The following DNAH14 variants were observed in gnomAD, a reference collection of about 807,000 sequenced individuals.
DNAH14 encodes dynein axonemal heavy chain 14.
DNAH14 carries 478 observed loss-of-function variants against 520.9 expected under a neutral mutation model. That is an observed-to-expected ratio of 0.92 (90% CI 0.85 to 0.99). The LOEUF (loss-of-function observed/expected upper bound fraction) is 0.99. Ranked by LOEUF, DNAH14 falls within the 50% of genes least tolerant of loss-of-function variation. The pLI is 0.00. For missense variants in DNAH14, 4,831 were observed against 5,234.5 expected (o/e 0.92, Z 2.38); for synonymous variants, 1,581 against 1,757.2 (o/e 0.90, Z 2.51).
chr1:224,993,022 G>C (rs557107573), intron 8 of DNAH14, among the ~76,000 whole-genome samples: 1 of 152,192 alleles, frequency 6.6e-6, no homozygotes, highest in East Asian at 1.9e-4. Flanking sequence ...ATTTGTGTAT[G>C]TTGAACCATT....
chr1:225,247,900 T>A (rs2092376345), intron 43 of DNAH14, among the ~76,000 whole-genome samples: 1 of 152,044 alleles, frequency 6.6e-6, no homozygotes, highest in Non-Finnish European at 1.5e-5. Context: ...GCGCCTGTAG[T>A]CCCAGCTACT....
At chr1:225,139,756 C>A (rs1180846615) in intron 27 of DNAH14, among the ~76,000 whole-genome samples, 1 of 152,192 alleles carries the variant, frequency 6.6e-6, no homozygotes, top group Non-Finnish European at 1.5e-5. Context: ...GATGTTCTCT[C>A]CTGAGGCTGC....
intron 11 of DNAH14, among the ~76,000 whole-genome samples, chr1:225,025,051 A>G (rs1317015594): frequency 6.6e-6 from 1 of 152,072 alleles, no homozygotes; most frequent in Non-Finnish European, 1.5e-5. Context: ...GGAATAATAT[A>G]TATAGGTCAG....
rs541508057 is a variant in DNAH14, at chr1:225,318,744, G to A, written c.9335+67G>A. 67 of 1,409,426 alleles carry A rather than the reference G, an allele frequency of 4.8e-5. No individual in the cohort carries two copies. The South Asian group carries it at 7.6e-4, about 16-fold the overall frequency. The allele number at this position is 1,409,426 out of a possible 1,614,324, so 87.3% of individuals were successfully genotyped here. A position where few individuals can be genotyped will look rare whatever the true frequency, so the allele number is the denominator to read the frequency against. Reference sequence around the variant, plus strand: ...AAAAACATAAATTCATGTTTACTAAGCCTATATTCCATTTTTAGCCTATAT... The same window carrying A: ...AAAAACATAAATTCATGTTTACTAAACCTATATTCCATTTTTAGCCTATAT... On this transcript the variant is annotated intron_variant, in intron 61 of 85. Transcript: ENST00000682510.
At position 225,331,584 on chromosome 1, in the gene DNAH14, C is replaced by A. The variant is rs1330326030; in HGVS notation, c.9864+7C>A. On this transcript the variant is annotated splice_region_variant and intron_variant, in intron 65 of 85. Coordinates refer to ENST00000682510, the MANE Select transcript of DNAH14 (RefSeq NM_001367479.1). Reference sequence around the variant, plus strand: ...TGTCCTGGAAGATGAGAAGGCATGACTTACTTTGGTCTTATATCTCGTCCA... The same window carrying A: ...TGTCCTGGAAGATGAGAAGGCATGAATTACTTTGGTCTTATATCTCGTCCA... 6.4e-7 allele frequency: 1 copy of A among 1,551,278 alleles called. No individual in the cohort carries two copies. The highest frequency in any genetic ancestry group is 8.7e-7 in the Non-Finnish European group (1 of 1,146,742).
At chr1:224,942,184 T>C (rs1251277531) in intron 1 of DNAH14, among the ~76,000 whole-genome samples, 2 of 152,192 alleles carry the variant, frequency 1.3e-5, no homozygotes, top group Non-Finnish European at 2.9e-5. Flanking sequence ...TTTATTTCAT[T>C]GAGCAGTGGT....
At chr1:225,325,253 G>A (rs2094635222) in intron 64 of DNAH14, among the ~76,000 whole-genome samples, 1 of 151,720 alleles carries the variant, frequency 6.6e-6, no homozygotes, top group Admixed American at 6.6e-5. Flanking sequence ...GGGAGGCTGA[G>A]GCAGGTGGAT....
Position 225,380,341 on chromosome 1 carries a change from C to T in DNAH14, c.12880+19C>T. On this transcript the variant is annotated intron_variant, in intron 80 of 85. Coordinates refer to ENST00000682510, the MANE Select transcript of DNAH14 (RefSeq NM_001367479.1). ...CTCAAAGGTGAGCATGGGACAGGAG[C>T]TTTTTCCCCTTACCTCACTCTCCTC... 1 of 1,542,254 alleles carries T rather than the reference C, an allele frequency of 6.5e-7. No individual in the cohort carries two copies. Among genetic ancestry groups the T allele is most frequent in the Non-Finnish European group, 8.8e-7 (1 of 1,142,292 alleles).
intron 8 of DNAH14, among the ~76,000 whole-genome samples, chr1:224,977,824 AAAAT>A (rs1161702922): frequency 2.3e-4 from 35 of 152,214 alleles, no homozygotes; most frequent in Admixed American, 2.1e-3. Flanking sequence ...ACAACAGTAA[AAAAT>A]AAATAATCTG....
At chr1:224,931,733 A>C (rs1419791929) in intron 1 of DNAH14, among the ~76,000 whole-genome samples, 1 of 152,176 alleles carries the variant, frequency 6.6e-6, no homozygotes, top group Non-Finnish European at 1.5e-5. Flanking sequence ...GGCTTATTTC[A>C]CTTAAGATAA....
intron 23 of DNAH14, among the ~76,000 whole-genome samples, chr1:225,108,088 A>G (rs1353530337): frequency 6.6e-6 from 1 of 152,196 alleles, no homozygotes; most frequent in Admixed American, 6.5e-5. Flanking sequence ...ATCAGCTACC[A>G]GTGCTGCTAG....
chr1:225,364,867 A>G lies in DNAH14; in HGVS notation c.12063A>G (p.Pro4021=), dbSNP rs1035975959. Residue 4021 remains proline (P), a synonymous_variant, in exon 76 of 86, where the codon CCA becomes CCG. Transcript: ENST00000682510. ...GCTCAAAATCATACAGTTCTTTTCC[A>G]ATTCCTGTTCTTAAAAAGGGTTTAA... ...WLSSKSYSSF[P]IPVLKKGLKI... is the part of the protein sequence containing the mutation. The G allele has an allele frequency of 5.2e-6, 8 of 1,547,760 alleles. No individual in the cohort carries two copies. Among genetic ancestry groups the G allele is most frequent in the South Asian group, 1.2e-5 (1 of 83,612 alleles).
Position 225,270,876 on chromosome 1 carries a change from C to T in DNAH14, c.7671+10C>T, listed in dbSNP as rs1207288971. 1 of 1,547,006 alleles carries T rather than the reference C, an allele frequency of 6.5e-7. No individual in the cohort carries two copies. The highest frequency in any genetic ancestry group is 2.5e-5 in the East Asian group (1 of 40,800). ...ATGTACTATTTTCCAGGTAACACAT[C>T]TAGTTCATTTTCTACTGAAAAAAAT... On this transcript the variant is annotated intron_variant, in intron 50 of 85. Transcript: ENST00000682510.
chr1:225,051,793 G>A lies in DNAH14; in HGVS notation c.2422G>A (p.Glu808Lys). ...TGAAAAAAAGAACAAAAATTTATTG[G>A]AAGTAAGTATTTTGAAAATTCTTAT... ...VIEKKNKNLL[E>K]VVESSLQQLE... Residue 808 changes from glutamate to lysine, a missense_variant and splice_region_variant, in exon 17 of 86, where the codon GAA (glutamate) becomes AAA (lysine). Glu to Lys is a moderately conservative substitution (Grantham distance 56). Transcript: ENST00000682510. 1 of 1,482,498 alleles carries A rather than the reference G, an allele frequency of 6.7e-7. No individual in the cohort carries two copies. Among genetic ancestry groups the A allele is most frequent in the South Asian group, 1.4e-5 (1 of 72,500 alleles). The allele number at this position is 1,482,498 out of a possible 1,614,324, so 91.8% of individuals were successfully genotyped here.
At position 225,392,319 on chromosome 1, in the gene DNAH14, T is replaced by A. The variant is rs2095928110; in HGVS notation, c.13359T>A (p.Tyr4453Ter). The A allele has an allele frequency of 1.3e-6, 2 of 1,552,426 alleles. No individual in the cohort carries two copies. Among genetic ancestry groups the A allele is most frequent in the East Asian group, 4.9e-5 (2 of 40,928 alleles). ...TTCTTGCTGCTGTGCTTCAAGACTATGGGAGGTCCCGAGGAATCGCTGTGG... is the reference window on the plus strand; with the variant it reads ...TTCTTGCTGCTGTGCTTCAAGACTAAGGGAGGTCCCGAGGAATCGCTGTGG... ...QAFLAAVLQD[Y>*]GRSRGIAVDA... The change falls in exon 84 of 86, where the codon TAT becomes TAA. Residue 4453 changes from tyrosine to a stop codon, truncating the protein, a stop_gained. Coordinates refer to ENST00000682510, the MANE Select transcript of DNAH14 (RefSeq NM_001367479.1). LOFTEE classifies it high-confidence loss of function.
At chr1:225,132,803 C>G (rs562743371) in intron 27 of DNAH14, among the ~76,000 whole-genome samples, 273 of 152,254 alleles carry the variant, frequency 1.8e-3, no homozygotes, top group African/African-American at 6.0e-3. Context: ...ACACTATCTT[C>G]CATGATGTTA....
chr1:225,085,854 T>C, intron 21 of DNAH14, 65 bp downstream of exon 21: 1 of 1,442,430 alleles, frequency 6.9e-7, no homozygotes, highest in Non-Finnish European at 9.1e-7. Context: ...TTTCAATCTT[T>C]TGCGGTCTAC....
At chr1:225,142,712 G>C (rs2149035207) in intron 28 of DNAH14, among the ~76,000 whole-genome samples, 1 of 152,222 alleles carries the variant, frequency 6.6e-6, no homozygotes, top group African/African-American at 2.4e-5. Context: ...TGGATCACTT[G>C]AGGTCCAGAG....
intron 8 of DNAH14, among the ~76,000 whole-genome samples, chr1:224,985,663 A>G (rs879308387): frequency 4.6e-5 from 7 of 152,166 alleles, no homozygotes; most frequent in Non-Finnish European, 8.8e-5. Flanking sequence ...AAGAAATTCA[A>G]GATAACACAG....
Sources: allele counts gnomAD v4.1 joint callset (sites outside exome capture counted in the v4.1 genomes callset), GRCh38; gene constraint gnomAD v4.1.1; transcripts MANE v1.5; gene names NCBI Gene and HGNC (gene_info 2026-07-23, HGNC 2026-07-21).